Variants in HNF1B observed in about 807,000 individuals in gnomAD.
HNF1B encodes the protein hepatocyte nuclear factor 1-beta.
Under a neutral mutation model 61.7 loss-of-function variants are expected in HNF1B, and 8 were observed. That is an observed-to-expected ratio of 0.13 (90% confidence interval 0.08 to 0.23). The LOEUF is 0.23. HNF1B is among the 10% of genes least tolerant of loss of function. The pLI is 1.00. For missense variants in HNF1B, 562 were observed against 714.5 expected (o/e 0.79, Z 2.43); for synonymous variants, 314 against 287.7 (o/e 1.09, Z -0.93).
chr17:37,741,133 A>C (rs1369533146), intron 1 of HNF1B, among the ~76,000 whole-genome samples: 1 of 152,238 alleles, frequency 6.6e-6, no homozygotes, highest in Non-Finnish European at 1.5e-5. Flanking sequence ...GAAACAAAAA[A>C]GAAAACGGTG....
intron 1 of HNF1B, among the ~76,000 whole-genome samples, chr17:37,741,096 A>T (rs1450086805): frequency 6.6e-6 from 1 of 152,228 alleles, no homozygotes; most frequent in Non-Finnish European, 1.5e-5. Context: ...ACAAGAAAAA[A>T]AACGGAAGGG....
In HNF1B at chr17:37,704,942, G is replaced by A; in HGVS notation, c.1314C>T (p.Leu438=). Residue 438 remains leucine (L), a synonymous_variant, in exon 6 of 9, where the codon CTC becomes CTT. Transcript: ENST00000617811. ...QQSQNLIMTP[L]SGVMAIAQSL... is the part of the protein sequence containing the mutation. Reference sequence around the variant, plus strand: ...TTTGTGCAATTGCCATGACTCCAGAGAGGGGTGTCATGATGAGGTTTTGAG... The same window carrying A: ...TTTGTGCAATTGCCATGACTCCAGAAAGGGGTGTCATGATGAGGTTTTGAG... 1 of 1,614,120 alleles carries A rather than the reference G, an allele frequency of 6.2e-7. No individual in the cohort carries two copies. The highest frequency in any genetic ancestry group is 8.5e-7 in the Non-Finnish European group (1 of 1,179,982).
At position 37,717,775 on chromosome 17, in the gene HNF1B, C is replaced by T. The variant is rs12942953; in HGVS notation, c.1046-7112G>A. Among the ~76,000 whole-genome samples, 677 of 152,330 alleles carry T rather than the reference C, an allele frequency of 4.4e-3. 4 individuals carry two copies. Among genetic ancestry groups the T allele is most frequent in the African/African-American group, 0.012 (485 of 41,588 alleles). ...TGAGAACTCCAGAAATGAAAGCTTT[C>T]GAATGAGTTAGCATTGCTGCCTCAG... is the stretch of plus-strand genomic sequence containing the variant. On this transcript the variant is annotated intron_variant, in intron 4 of 8. Coordinates refer to ENST00000617811, the MANE Select transcript of HNF1B (RefSeq NM_000458.4).
intron 4 of HNF1B, among the ~76,000 whole-genome samples, chr17:37,724,476 G>A (rs1348854797): frequency 1.3e-5 from 2 of 152,108 alleles, no homozygotes; most frequent in African/African-American, 4.8e-5. Context: ...TCCTACAGCG[G>A]GGTCAGCAAA....
chr17:37,739,310 C>T (rs897199571), intron 2 of HNF1B, 130 bp downstream of exon 2: 3 of 859,880 alleles, frequency 3.5e-6, no homozygotes, highest in African/African-American at 1.6e-5. Context: ...GCCAAATCTA[C>T]TTGCCACCTT....
At chr17:37,706,486 C>T (rs761975226) in intron 5 of HNF1B, among the ~76,000 whole-genome samples, 2 of 152,012 alleles carry the variant, frequency 1.3e-5, no homozygotes, top group Admixed American at 6.6e-5. Flanking sequence ...CCTGCCCTTC[C>T]GGTCAACTCC....
At chr17:37,731,518 C>T in intron 4 of HNF1B, 77 bp downstream of exon 4, 8 of 1,253,230 alleles carry the variant, frequency 6.4e-6, no homozygotes, top group Non-Finnish European at 8.0e-6. Flanking sequence ...CTCTGAAAAC[C>T]CTTAAACCAG....
intron 2 of HNF1B, among the ~76,000 whole-genome samples, chr17:37,736,322 C>G (rs1164363429): frequency 6.6e-6 from 1 of 152,230 alleles, no homozygotes; most frequent in Non-Finnish European, 1.5e-5. Context: ...TGTGAACAGA[C>G]ACAATAACGG....
chr17:37,697,537 G>A (rs2032425663), intron 8 of HNF1B, among the ~76,000 whole-genome samples: 1 of 152,212 alleles, frequency 6.6e-6, no homozygotes, highest in Non-Finnish European at 1.5e-5. Context: ...ACTTGGGAAA[G>A]ACAGGAATAA....
intron 2 of HNF1B, among the ~76,000 whole-genome samples, chr17:37,736,562 A>G (rs1255648375): frequency 6.6e-6 from 1 of 152,112 alleles, no homozygotes; most frequent in Non-Finnish European, 1.5e-5. Context: ...CCTAACTACC[A>G]GCCTGTGCAT....
At chr17:37,717,548 C>T (rs577526269) in intron 4 of HNF1B, among the ~76,000 whole-genome samples, 1 of 152,272 alleles carries the variant, frequency 6.6e-6, no homozygotes, top group South Asian at 2.1e-4. Context: ...TCTATGAAGC[C>T]AAATCATTAT....
chr17:37,737,447 G>A (rs942503218), intron 2 of HNF1B, among the ~76,000 whole-genome samples: 4 of 152,172 alleles, frequency 2.6e-5, no homozygotes, highest in African/African-American at 7.2e-5. Context: ...ATAGCTTAGC[G>A]TAGTGTTTGG....
chr17:37,706,747 G>A (rs1469103531), intron 5 of HNF1B, among the ~76,000 whole-genome samples: 1 of 151,488 alleles, frequency 6.6e-6, no homozygotes, highest in Non-Finnish European at 1.5e-5. Context: ...TTCCTTTGGA[G>A]AAAGTCAACC....
At chr17:37,698,171 C>T (rs1024221620) in intron 8 of HNF1B, among the ~76,000 whole-genome samples, 4 of 152,090 alleles carry the variant, frequency 2.6e-5, no homozygotes, top group Non-Finnish European at 5.9e-5. Context: ...ATTCTGAGAG[C>T]TTCTGACATG....
intron 8 of HNF1B, among the ~76,000 whole-genome samples, chr17:37,692,073 C>T (rs1379746534): frequency 6.6e-6 from 1 of 152,180 alleles, no homozygotes; most frequent in Non-Finnish European, 1.5e-5. Flanking sequence ...TGAACTCAGG[C>T]ACAAACCCAC....
intron 2 of HNF1B, among the ~76,000 whole-genome samples, chr17:37,737,997 T>C (rs958043136): frequency 6.6e-6 from 1 of 152,190 alleles, no homozygotes; most frequent in African/African-American, 2.4e-5. Context: ...CCTGCCTCCT[T>C]CTCCTTTCTG....
At chr17:37,714,060 C>T (rs1187899856) in intron 4 of HNF1B, among the ~76,000 whole-genome samples, 1 of 152,218 alleles carries the variant, frequency 6.6e-6, no homozygotes, top group Non-Finnish European at 1.5e-5. Context: ...TGGCTCTACC[C>T]TGTAAGACCT....
chr17:37,692,278 AG>A (rs2032230660), intron 8 of HNF1B, among the ~76,000 whole-genome samples: 1 of 152,268 alleles, frequency 6.6e-6, no homozygotes, highest in Non-Finnish European at 1.5e-5. Flanking sequence ...GACAGATACA[AG>A]TACAAATCCT....
chr17:37,742,999 TTC>T (rs2034044825), intron 1 of HNF1B, among the ~76,000 whole-genome samples: 1 of 152,270 alleles, frequency 6.6e-6, no homozygotes, highest in African/African-American at 2.4e-5. Context: ...TTGTGTATCT[TTC>T]TGTTGATGAT....
Sources: allele counts gnomAD v4.1 joint callset (sites outside exome capture counted in the v4.1 genomes callset), GRCh38; gene constraint gnomAD v4.1.1; transcripts MANE v1.5; gene names NCBI Gene and HGNC (gene_info 2026-07-23, HGNC 2026-07-21).